MME: variants seen among roughly 807,000 people sequenced by gnomAD.
The protein encoded by MME is membrane metalloendopeptidase, also known as neprilysin.
A neutral mutation model predicts 113.2 loss-of-function variants in MME; 98 were observed. The observed-to-expected ratio is 0.87, with a 90% CI of 0.74 to 1.02. The LOEUF is 1.02. Ranked by LOEUF, MME falls within the 50% of genes least tolerant of loss-of-function variation. The pLI, the probability that MME is intolerant of heterozygous loss-of-function variation, is 0.00. For missense variants in MME, 836 were observed against 896.0 expected (o/e 0.93, Z 0.86); for synonymous variants, 292 against 300.6 (o/e 0.97, Z 0.30).
chr3:155,043,893 TG>T (rs1301846860), intron 1 of MME, among the ~76,000 whole-genome samples: 2 of 152,164 alleles, frequency 1.3e-5, no homozygotes, highest in African/African-American at 4.8e-5. Flanking sequence ...GTATTTTGTC[TG>T]ATTCATCCCC....
rs1576606603 is a variant in MME at position 155,118,646 on chromosome 3, G to T, written c.655-100G>T. The T allele has an allele frequency of 1.0e-5, 8 of 789,614 alleles. No individual in the cohort carries two copies. In the East Asian group the frequency reaches 1.9e-4, roughly 19 times the overall value. 48.9% of individuals were successfully genotyped at this position (789,614 alleles called of 1,614,324 possible). On this transcript the variant is annotated intron_variant, in intron 7 of 22. Coordinates refer to ENST00000360490, the MANE Select transcript of MME (RefSeq NM_007289.4). The stretch of plus-strand genomic sequence containing the variant: ...CTGATGGTCACCCCATAAACAGCAA[G>T]AGTAGGATCTTTCACATACATAGAT...
In MME at chr3:155,103,608, C is replaced by T. The variant is rs545772635; in HGVS notation, c.197-11386C>T. 3.3e-5 allele frequency among the ~76,000 whole-genome samples: 5 copies of T among 152,322 alleles called. No individual in the cohort carries two copies. In the South Asian group the frequency reaches 1.0e-3, roughly 32 times the overall value. The stretch of plus-strand genomic sequence containing the variant: ...TTTTCTGTTTAAGGGAAAATTTCAA[C>T]TAATTTTCTACTTGGGTGTAAGCAT... On this transcript the variant is annotated intron_variant, in intron 3 of 22. Transcript: ENST00000360490.
rs756048894 is a variant in MME at position 155,115,115 on chromosome 3, C to T, written c.318C>T (p.Asn106=). Residue 106 remains asparagine, a synonymous_variant, in exon 4 of 23, where the codon AAC becomes AAT. Transcript: ENST00000360490. ...VIPETSSRYG[N]FDILRDELEV... is the part of the protein sequence containing the mutation. Reference sequence around the variant, plus strand: ...CCGAGACCAGCTCCCGTTACGGCAACTTTGACATTTTAAGAGATGAACTAG... The same window carrying T: ...CCGAGACCAGCTCCCGTTACGGCAATTTTGACATTTTAAGAGATGAACTAG... The T allele has an allele frequency of 6.2e-7, 1 of 1,614,060 alleles. No individual in the cohort carries two copies. Among genetic ancestry groups the T allele is most frequent in the Non-Finnish European group, 8.5e-7 (1 of 1,179,994 alleles).
chr3:155,146,819 T>A (rs1444803993), intron 14 of MME, among the ~76,000 whole-genome samples: 3 of 151,494 alleles, frequency 2.0e-5, no homozygotes, highest in African/African-American at 4.9e-5. Flanking sequence ...TCTAAAAAAT[T>A]GAAAAAAAAA....
At chr3:155,139,032 A>C (rs1297253116) in intron 9 of MME, among the ~76,000 whole-genome samples, 1 of 152,076 alleles carries the variant, frequency 6.6e-6, no homozygotes, top group African/African-American at 2.4e-5. Context: ...TTGAAGAGTT[A>C]AGATCATGGA....
At position 155,153,038 on chromosome 3, in the gene MME, CT is replaced by C. The variant is rs112469021; in HGVS notation, c.1601+4401del. ...GGCACCTGCAAAGGACAGGGATTTACTTTTTTTTTTTTTTTTAAGACGGAGT... is the reference window on the plus strand; with the variant it reads ...GGCACCTGCAAAGGACAGGGATTTACTTTTTTTTTTTTTTTAAGACGGAGT... On this transcript the variant is annotated intron_variant, in intron 16 of 22. Coordinates refer to ENST00000360490, the MANE Select transcript of MME (RefSeq NM_007289.4). Among the ~76,000 whole-genome samples, 1,333 of 139,900 alleles carry C rather than the reference CT, an allele frequency of 9.5e-3. 7 individuals carry two copies. The highest frequency in any genetic ancestry group is 0.024 in the African/African-American group (939 of 38,388). The allele number at this position is 139,900 out of a possible 152,430, so 91.8% of individuals were successfully genotyped here.
At position 155,143,496 on chromosome 3, in the gene MME, T is replaced by C; in HGVS notation, c.1242T>C (p.Tyr414=). 6.2e-7 allele frequency: 1 copy of C among 1,612,838 alleles called. No individual in the cohort carries two copies. Among genetic ancestry groups the C allele is most frequent in the South Asian group, 1.1e-5 (1 of 91,080 alleles). ...CAACTTGGAGACGTTGTGCAAACTA[T>C]GTCAATGGGAATATGGAAAATGCTG... is the stretch of plus-strand genomic sequence containing the variant. ...ETATWRRCAN[Y]VNGNMENAVG... The change falls in exon 13 of 23, where the codon TAT becomes TAC. Residue 414 remains tyrosine (Y), a synonymous_variant. Transcript: ENST00000360490.
intron 8 of MME, among the ~76,000 whole-genome samples, chr3:155,136,882 G>A (rs1023034972): frequency 6.6e-6 from 1 of 152,084 alleles, no homozygotes; most frequent in Non-Finnish European, 1.5e-5. Context: ...TTGAAGCATA[G>A]AAATCTCACC....
At chr3:155,086,869 A>C (rs1240557031) in intron 3 of MME, among the ~76,000 whole-genome samples, 1 of 152,102 alleles carries the variant, frequency 6.6e-6, no homozygotes. Context: ...CAGTATTGTG[A>C]TCACAGCTTA....
At position 155,063,892 on chromosome 3, in the gene MME, C is replaced by T. The variant is rs555616717; in HGVS notation, c.-10-20266C>T. Among the ~76,000 whole-genome samples, 10 of 151,450 alleles carry T rather than the reference C, an allele frequency of 6.6e-5. No homozygotes were observed. The South Asian group carries it at 1.9e-3, about 28-fold the overall frequency. On this transcript the variant is annotated intron_variant, in intron 1 of 22. Coordinates refer to the MME transcript ENST00000492661. ...AAATTCATATGTTGAAGCCCTAACT[C>T]TCAATGTGACTGTATTTGGGAGATG...
intron 1 of MME, among the ~76,000 whole-genome samples, chr3:155,067,235 A>G (rs1193888465): frequency 6.7e-6 from 1 of 149,584 alleles, no homozygotes; most frequent in African/African-American, 2.4e-5. Flanking sequence ...TCATTCAAAG[A>G]TAAAATAGAT....
At chr3:155,115,320 A>G (rs1364002500) in intron 4 of MME, among the ~76,000 whole-genome samples, 165 bp downstream of exon 4, 4 of 152,252 alleles carry the variant, frequency 2.6e-5, no homozygotes, top group African/African-American at 4.8e-5. Flanking sequence ...AGTGGCAGAC[A>G]CTGAAATTAA....
At chr3:155,165,279 C>A (rs1351800866) in intron 17 of MME, among the ~76,000 whole-genome samples, 1 of 151,988 alleles carries the variant, frequency 6.6e-6, no homozygotes, top group East Asian at 1.9e-4. Flanking sequence ...TAGTTACCTC[C>A]AAATAACATG....
chr3:155,139,998 A>G (rs980209603), intron 9 of MME, among the ~76,000 whole-genome samples, 193 bp from the exon 10 acceptor site: 1 of 152,186 alleles, frequency 6.6e-6, no homozygotes, highest in Non-Finnish European at 1.5e-5. Flanking sequence ...AAATCTCAAT[A>G]ATTCTTACTA....
At chr3:155,112,994 G>C (rs919599780) in intron 3 of MME, among the ~76,000 whole-genome samples, 1 of 152,198 alleles carries the variant, frequency 6.6e-6, no homozygotes, top group African/African-American at 2.4e-5. Flanking sequence ...CAGGAGTCAA[G>C]AGAAATATTC....
At chr3:155,117,904 C>G (rs1229679438) in intron 7 of MME, among the ~76,000 whole-genome samples, 2 of 152,110 alleles carry the variant, frequency 1.3e-5, no homozygotes, top group African/African-American at 4.8e-5. Context: ...CCTAGGCTCT[C>G]CACAGCTGCT....
At position 155,172,203 on chromosome 3, in the gene MME, C is replaced by A. The variant is rs146536523; in HGVS notation, c.2067C>A (p.Asn689Lys). 1.9e-4 allele frequency: 300 copies of A among 1,601,132 alleles called. 2 individuals are homozygous for A. In the Middle Eastern group the frequency reaches 3.1e-3, roughly 17 times the overall value. ...ATCACAAACAACTATTTTTCTTGAA[C>A]TTTGCACAGGTATTGTGTCTTTCTT... ...DLNHKQLFFLNFAQVWCGTYR... is the reference protein window; with the variant it reads ...DLNHKQLFFLKFAQVWCGTYR... Residue 689 changes from asparagine (N) to lysine (K), a missense_variant, in exon 21 of 23, where the codon AAC becomes AAA. Asn to Lys is a moderately conservative substitution (Grantham distance 94). Coordinates refer to ENST00000360490, the MANE Select transcript of MME (RefSeq NM_007289.4).
intron 1 of MME, among the ~76,000 whole-genome samples, chr3:155,065,579 T>C (rs1161494578): frequency 1.3e-5 from 2 of 152,118 alleles, no homozygotes; most frequent in Non-Finnish European, 2.9e-5. Flanking sequence ...TCTATATAAA[T>C]AAGGTGAAAT....
At chr3:155,067,598 T>G (rs1381946592) in intron 1 of MME, among the ~76,000 whole-genome samples, 1 of 152,094 alleles carries the variant, frequency 6.6e-6, no homozygotes, top group African/African-American at 2.4e-5. Context: ...CATGAGCCAC[T>G]GTGCCCGGCC....
Sources: gnomAD v4.1 joint callset for allele counts (sites outside exome capture counted in the v4.1 genomes callset) on GRCh38, gnomAD v4.1.1 for gene constraint, MANE v1.5 for transcripts, NCBI Gene and HGNC (gene_info 2026-07-23, HGNC 2026-07-21) for gene names.